The following LARGE1 variants were observed in gnomAD, a reference collection of about 807,000 sequenced individuals.
LARGE1 encodes the protein LARGE xylosyl- and glucuronyltransferase 1.
In LARGE1, 43 loss-of-function variants were observed where a neutral mutation model predicts 87.6. The observed-to-expected ratio is 0.49, with a 90% CI of 0.38 to 0.63. LARGE1 has a LOEUF of 0.63. Among genes scored for constraint, LARGE1 ranks in the 30% least tolerant of loss-of-function variants. The pLI is 0.00. For synonymous variants in LARGE1, 434 were observed against 394.6 expected (o/e 1.10, Z -1.18); for missense variants, 802 against 1,000.2 (o/e 0.80, Z 2.67).
At chr22:33,274,808 G>C (rs1391554271) in intron 14 of LARGE1, among the ~76,000 whole-genome samples, 184 bp from the exon 15 acceptor site, 1 of 152,138 alleles carries the variant, frequency 6.6e-6, no homozygotes, top group East Asian at 1.9e-4. Context: ...CATGACCTTG[G>C]ACCAGGAAAC....
intron 5 of LARGE1, among the ~76,000 whole-genome samples, chr22:33,573,165 C>G (rs186282949): frequency 6.6e-6 from 1 of 152,018 alleles, no homozygotes; most frequent in Admixed American, 6.5e-5. Context: ...TTAAAGGCAC[C>G]TGCTGTTGCA....
At chr22:33,467,640 G>A (rs1004869797) in intron 6 of LARGE1, among the ~76,000 whole-genome samples, 4 of 152,180 alleles carry the variant, frequency 2.6e-5, no homozygotes, top group Admixed American at 1.3e-4. Flanking sequence ...TCAACCCTGC[G>A]ATATTTCATT....
At chr22:33,647,469 T>C (rs564766393) in intron 3 of LARGE1, among the ~76,000 whole-genome samples, 6 of 152,318 alleles carry the variant, frequency 3.9e-5, no homozygotes, top group South Asian at 2.1e-4. Flanking sequence ...GTGGACAACA[T>C]AGCTAAAGCT....
downstream of LARGE1, among the ~76,000 whole-genome samples, chr22:33,270,925 G>C (rs1928209264): frequency 6.6e-6 from 1 of 152,192 alleles, no homozygotes; most frequent in African/African-American, 2.4e-5. Context: ...GGGTACAAGG[G>C]AGAGCTTAAA....
intron 3 of LARGE1, 104 bp from the exon 4 acceptor site, chr22:33,626,430 G>T: frequency 2.3e-6 from 2 of 859,450 alleles, no homozygotes; most frequent in Non-Finnish European, 3.9e-6. Context: ...TTTCTTGTTG[G>T]CATCATTAGA....
At chr22:33,214,502 C>T (rs1291292684) in intron 11 of LARGE1, among the ~76,000 whole-genome samples, 1 of 152,126 alleles carries the variant, frequency 6.6e-6, no homozygotes, top group Non-Finnish European at 1.5e-5. Flanking sequence ...AAATTCCTCT[C>T]CTTTCTTTTT....
intron 2 of LARGE1, among the ~76,000 whole-genome samples, chr22:33,708,884 C>G (rs532018709): frequency 6.6e-6 from 1 of 152,280 alleles, no homozygotes; most frequent in East Asian, 1.9e-4. Flanking sequence ...CAGGCGCGAG[C>G]CATCACCCCC....
At chr22:33,094,680 A>C in the LARGE1 span, among the ~76,000 whole-genome samples, 1 of 151,308 alleles carries the variant, frequency 6.6e-6, no homozygotes, top group East Asian at 1.9e-4. Flanking sequence ...AGATTCCTTC[A>C]GGAAGAGTTT....
At chr22:33,438,737 A>C (rs1366949088) in intron 6 of LARGE1, among the ~76,000 whole-genome samples, 2 of 152,218 alleles carry the variant, frequency 1.3e-5, no homozygotes, top group Non-Finnish European at 2.9e-5. Context: ...GGGTATAAAG[A>C]AGGCAGCATG....
intron 1 of LARGE1, among the ~76,000 whole-genome samples, chr22:33,884,469 G>A (rs1334177228): frequency 1.3e-5 from 2 of 152,202 alleles, no homozygotes; most frequent in South Asian, 2.1e-4. Flanking sequence ...GCCAGCCCAC[G>A]CAAAGGGCCT....
intron 6 of LARGE1, among the ~76,000 whole-genome samples, chr22:33,542,221 C>T (rs2077233740): frequency 1.3e-5 from 2 of 150,320 alleles, no homozygotes; most frequent in South Asian, 4.2e-4. Context: ...GCTACCAGAT[C>T]TGTCTCCAGA....
chr22:33,620,927 C>CA (rs11368811), intron 4 of LARGE1, among the ~76,000 whole-genome samples: 113,058 of 151,492 alleles, frequency 0.75, 42,442 homozygotes, highest in African/African-American at 0.83. Flanking sequence ...GAATCTGTCT[C>CA]AAAAAAAACA....
At chr22:33,205,939 A>C in intron 11 of LARGE1, among the ~76,000 whole-genome samples, 1 of 134,956 alleles carries the variant, frequency 7.4e-6, no homozygotes. Context: ...CTACCATGCC[A>C]TGCTAATTCT....
At position 33,224,932 on chromosome 22, in the gene LARGE1, T is replaced by C. The variant is rs183957975; in HGVS notation, c.1731-58100A>G. ...ACAAGGGAAAAGAGATTGATTTTTCTTCTTTTGCAGGAAATGCTTAGGTGA... is the reference window on the plus strand; with the variant it reads ...ACAAGGGAAAAGAGATTGATTTTTCCTCTTTTGCAGGAAATGCTTAGGTGA... On this transcript the variant is annotated intron_variant, in intron 11 of 11. Transcript: ENST00000608642. Among the ~76,000 whole-genome samples, 6 of 152,380 alleles carry C rather than the reference T, an allele frequency of 3.9e-5. No homozygotes were observed. In the East Asian group the frequency reaches 1.2e-3, roughly 29 times the overall value.
chr22:33,668,544 TC>T (rs1346627409), intron 2 of LARGE1, among the ~76,000 whole-genome samples: 5 of 152,202 alleles, frequency 3.3e-5, no homozygotes, highest in African/African-American at 1.2e-4. Context: ...TGAAATAAAC[TC>T]CCATATGCTT....
chr22:33,602,336 A>T (rs1301673728), intron 5 of LARGE1, among the ~76,000 whole-genome samples: 1 of 151,678 alleles, frequency 6.6e-6, no homozygotes, highest in Non-Finnish European at 1.5e-5. Flanking sequence ...TGATACAATC[A>T]TTTAGCCATG....
the LARGE1 span, among the ~76,000 whole-genome samples, chr22:33,104,955 CTCTTTCTCTCTTTCTTTCTT>C: frequency 2.2e-5 from 3 of 133,940 alleles, no homozygotes; most frequent in East Asian, 2.2e-4. Context: ...TTCTCTTTCT[CTCTTTCTCTCTTTCTTTCTT>C]TCTTTTTCTT....
chr22:33,322,687 C>T (rs1017732990), intron 10 of LARGE1: 1 of 152,198 alleles, frequency 6.6e-6, no homozygotes, highest in Non-Finnish European at 1.5e-5. Flanking sequence ...GAGAAGAGGC[C>T]ACCTCCAGCT....
At chr22:33,497,570 T>C (rs1398349779) in intron 6 of LARGE1, among the ~76,000 whole-genome samples, 2 of 152,194 alleles carry the variant, frequency 1.3e-5, no homozygotes, top group Non-Finnish European at 2.9e-5. Flanking sequence ...TCACATAAGA[T>C]CACTGCCAGA....
Sources: gnomAD v4.1 joint callset for allele counts (sites outside exome capture counted in the v4.1 genomes callset) on GRCh38, gnomAD v4.1.1 for gene constraint, MANE v1.5 for transcripts, NCBI Gene and HGNC (gene_info 2026-07-23, HGNC 2026-07-21) for gene names.